The following MTHFSD variants were observed in gnomAD, a reference collection of about 807,000 sequenced individuals.
The protein encoded by MTHFSD is methenyltetrahydrofolate synthase domain-containing protein.
A neutral mutation model predicts 31.1 loss-of-function variants in MTHFSD; 37 were observed. The ratio of observed to expected loss-of-function variants is 1.19; its 90% CI spans 0.91 to 1.56. MTHFSD has a LOEUF of 1.56. MTHFSD is among the 40% of genes most tolerant of loss of function. MTHFSD has a pLI of 0.00. For synonymous variants in MTHFSD, 221 were observed against 206.9 expected, an observed-to-expected ratio of 1.07 and a Z score of -0.59; for missense variants, 664 against 510.1, an observed-to-expected ratio of 1.30 and a Z score of -2.91.
In MTHFSD at chr16:86,532,453, G is replaced by A. The variant is rs755113584; in HGVS notation, c.710C>T (p.Pro237Leu). 6.9e-7 allele frequency: 1 copy of A among 1,446,218 alleles called. No homozygotes were observed. Among genetic ancestry groups the A allele is most frequent in the Non-Finnish European group, 9.1e-7 (1 of 1,096,854 alleles). The allele number at this position is 1,446,218 out of a possible 1,614,324, so 89.6% of individuals were successfully genotyped here. ...TCGGGCGCGGAGGCTCCTCAGTATG[G>A]GGATTTTCTCCATCATCTCCAGGCT... ...KISLEMMEKI[P>L]ILRSLRAREQ... is the part of the protein sequence containing the mutation. The change falls in exon 8 of 8, where the codon CCC (proline) becomes CTC (leucine). Residue 237 changes from proline to leucine, a missense_variant. Pro to Leu is a moderately conservative substitution (Grantham distance 98). Transcript: ENST00000360900.
At chr16:86,543,587 G>A (rs1358231274) in intron 5 of MTHFSD, among the ~76,000 whole-genome samples, 2 of 152,228 alleles carry the variant, frequency 1.3e-5, no homozygotes, top group Admixed American at 1.3e-4. Context: ...GGCCCAGGAG[G>A]CCAGCCCGCA....
intron 7 of MTHFSD, chr16:86,540,586 G>C: frequency 1.2e-6 from 1 of 810,108 alleles, no homozygotes; most frequent in African/African-American, 1.9e-5. Context: ...ATGCCCTTGT[G>C]CAACCTTCCC....
chr16:86,546,725 C>CT, intron 4 of MTHFSD, 76 bp from the exon 5 acceptor site: 1 of 1,285,810 alleles, frequency 7.8e-7, no homozygotes, highest in Non-Finnish European at 1.1e-6. Context: ...TCAAAGTGCA[C>CT]TCAGGGTTTG....
rs747084274 is a variant in MTHFSD at position 86,532,160 on chromosome 16, G to A, written c.1003C>T (p.Arg335Trp). Residue 335 changes from arginine to tryptophan, a missense_variant, in exon 8 of 8, where the codon CGG becomes TGG. Physicochemically the swap from Arg to Trp is moderately radical, Grantham distance 101. Transcript: ENST00000360900. ...CGCCGCGGGCCCTGCCAGGTGAGCC[G>A]CAGGGGCACGGAGCCGAGTTCCCGC... ...ALRELGSVPL[R>W]LTWQGPRRRA... The A allele has an allele frequency of 1.5e-5, 23 of 1,567,958 alleles. 1 individual carries two copies. The highest frequency in any genetic ancestry group is 9.3e-5 in the East Asian group (4 of 43,102).
At chr16:86,541,324 G>A (rs887455034) in intron 7 of MTHFSD, 3 of 903,996 alleles carry the variant, frequency 3.3e-6, no homozygotes, top group Admixed American at 3.4e-5. Context: ...TTTAAAAAGG[G>A]AAGACCAATG....
chr16:86,537,344 T>C (rs1446153402), intron 7 of MTHFSD, among the ~76,000 whole-genome samples: 2 of 152,160 alleles, frequency 1.3e-5, no homozygotes. Context: ...TTCTACTTTA[T>C]ACCACATGCA....
intron 3 of MTHFSD, among the ~76,000 whole-genome samples, chr16:86,549,901 C>G (rs1434827881): frequency 6.6e-6 from 1 of 152,246 alleles, no homozygotes; most frequent in Admixed American, 6.5e-5. Flanking sequence ...CTGTGCATGC[C>G]CCCGGCACTG....
chr16:86,531,096 T>C lies in MTHFSD; in HGVS notation c.*915A>G, dbSNP rs565523784. The C allele has an allele frequency of 9.9e-5, 15 of 152,190 alleles. No individual in the cohort carries two copies. In the East Asian group the frequency reaches 2.9e-3, roughly 29 times the overall value. The allele number at this position is 152,190 out of a possible 1,614,324, so 9.4% of individuals were successfully genotyped here. On this transcript the variant is annotated 3_prime_UTR_variant, in exon 8 of 8. Coordinates refer to ENST00000360900, the MANE Select transcript of MTHFSD (RefSeq NM_001159377.2). The surrounding 1 kb of genome is among the most constrained non-coding windows in gnomAD (Gnocchi z 5.5). ...TTGGTAAAACCCTCTGGCTAAAAAA[T>C]CAAAATTTCCAAAGCATATACATTT...
chr16:86,537,581 AG>A (rs1483510681), intron 7 of MTHFSD, among the ~76,000 whole-genome samples: 2 of 152,214 alleles, frequency 1.3e-5, no homozygotes, highest in Non-Finnish European at 2.9e-5. Flanking sequence ...ATACTGGCCC[AG>A]TTGTGGGTAG....
Position 86,541,669 on chromosome 16 carries a change from G to A in MTHFSD, c.681+28C>T, listed in dbSNP as rs757185960. ...AAGAGGAGGAGCCGCTAAGCTACAG[G>A]CCAGAGCTGGCCACTGCCGTGACCC... On this transcript the variant is annotated intron_variant, in intron 7 of 7. Coordinates refer to ENST00000360900, the MANE Select transcript of MTHFSD (RefSeq NM_001159377.2). The A allele has an allele frequency of 2.8e-5, 45 of 1,606,180 alleles. 1 individual carries two copies. In the South Asian group the frequency reaches 4.0e-4, roughly 14 times the overall value.
In MTHFSD at chr16:86,547,258, G is replaced by A. The variant is rs1972456313; in HGVS notation, c.352-609C>T. On this transcript the variant is annotated intron_variant, in intron 4 of 7. Transcript: ENST00000360900. ...AACCAAAATGTCCCAAAAGTGTACC[G>A]CTTTATACTAATGCAGGCATGCATA... 7 of 985,740 alleles carry A rather than the reference G, an allele frequency of 7.1e-6. No individual in the cohort carries two copies. The South Asian group carries it at 1.4e-4, about 20-fold the overall frequency. The allele number at this position is 985,740 out of a possible 1,614,324, so 61.1% of individuals were successfully genotyped here.
chr16:86,532,677 G>A (rs1970134221), intron 7 of MTHFSD, 196 bp from the exon 8 acceptor site: 1 of 402,710 alleles, frequency 2.5e-6, no homozygotes, highest in Non-Finnish European at 4.3e-6. Context: ...CTGTAGCTCT[G>A]CCCCTCGCCC....
At chr16:86,547,461 G>C (rs1199530956) in intron 4 of MTHFSD, 1 of 985,956 alleles carries the variant, frequency 1.0e-6, no homozygotes, top group Non-Finnish European at 1.2e-6. Context: ...GGTGGCTTGG[G>C]GGTCTCCCGA....
intron 4 of MTHFSD, chr16:86,548,146 C>T (rs914189703): frequency 3.1e-6 from 4 of 1,297,060 alleles, no homozygotes; most frequent in Non-Finnish European, 4.0e-6. Flanking sequence ...AAAAGCTCCA[C>T]AATACTGAAC....
chr16:86,539,393 C>T (rs778289627), intron 7 of MTHFSD, among the ~76,000 whole-genome samples: 1 of 152,238 alleles, frequency 6.6e-6, no homozygotes. Context: ...AGGAAGATTT[C>T]TCAACTTTAT....
At chr16:86,535,332 G>GAAACAT (rs60646921) in intron 7 of MTHFSD, 1 of 985,098 alleles carries the variant, frequency 1.0e-6, no homozygotes, top group Non-Finnish European at 1.2e-6. Flanking sequence ...AGCTCTAATG[G>GAAACAT]CTGTGGGGCG....
chr16:86,541,875 T>G, intron 6 of MTHFSD, 53 bp from the exon 7 acceptor site: 1 of 1,606,716 alleles, frequency 6.2e-7, no homozygotes, highest in Non-Finnish European at 8.5e-7. Flanking sequence ...ACTGCAGTCG[T>G]GCACACTGCC....
rs1969945573 is a variant in MTHFSD at position 86,530,995 on chromosome 16, T to C, written c.*1016A>G. The C allele has an allele frequency of 6.6e-6, 1 of 152,160 alleles. No individual in the cohort carries two copies. Among genetic ancestry groups the C allele is most frequent in the Non-Finnish European group, 1.5e-5 (1 of 68,024 alleles). 9.4% of individuals were successfully genotyped at this position (152,160 alleles called of 1,614,324 possible). On this transcript the variant is annotated 3_prime_UTR_variant, in exon 8 of 8. Coordinates refer to ENST00000360900, the MANE Select transcript of MTHFSD (RefSeq NM_001159377.2). ...ATGTCCTTTCAAAGAGAAGACCGAGTGTCCCGAGAACATTTTCTTGAAAGC... is the reference window on the plus strand; with the variant it reads ...ATGTCCTTTCAAAGAGAAGACCGAGCGTCCCGAGAACATTTTCTTGAAAGC...
At chr16:86,554,270 G>T (rs887872838) in intron 2 of MTHFSD, among the ~76,000 whole-genome samples, 2 of 152,220 alleles carry the variant, frequency 1.3e-5, no homozygotes, top group South Asian at 2.1e-4. Context: ...GAACCCACCA[G>T]AAGGAAGAAA....
Sources: allele counts gnomAD v4.1 joint callset (sites outside exome capture counted in the v4.1 genomes callset), GRCh38; gene constraint gnomAD v4.1.1; non-coding constraint Gnocchi (gnomAD v3.1); transcripts MANE v1.5; gene names NCBI Gene and HGNC (gene_info 2026-07-23, HGNC 2026-07-21).